SFT2D2: variants seen among roughly 807,000 people sequenced by gnomAD.
The protein encoded by SFT2D2 is SFT2 domain containing 2.
SFT2D2 carries 21 observed loss-of-function variants against 27.4 expected under a neutral mutation model. The observed-to-expected ratio is 0.77, with a 90% confidence interval of 0.54 to 1.10. SFT2D2 has a LOEUF of 1.10. SFT2D2 is among the 50% of genes least tolerant of loss of function. The probability of loss-of-function intolerance (pLI) is 0.00; values close to 1 mark genes in which losing one functional copy is unlikely to be tolerated. For synonymous variants in SFT2D2, 72 were observed against 71.7 expected (o/e 1.00, Z -0.02); for missense variants, 187 against 194.2 (o/e 0.96, Z 0.22).
Position 168,233,871 on chromosome 1 carries a change from G to A in SFT2D2, c.237-1230G>A, listed in dbSNP as rs145036371. ...TGTTATGGTTTTGTGTATATGCTAT[G>A]TTTAATTTTTAGGACCAGCCTTGAC... On this transcript the variant is annotated intron_variant, in intron 3 of 7. Coordinates refer to ENST00000271375, the MANE Select transcript of SFT2D2 (RefSeq NM_199344.3). Among the ~76,000 whole-genome samples, 1,443 of 152,310 alleles carry A rather than the reference G, an allele frequency of 9.5e-3. 17 individuals are homozygous for A. Among genetic ancestry groups the A allele is most frequent in the African/African-American group, 0.031 (1,307 of 41,564 alleles).
In SFT2D2 at chr1:168,226,139, C is replaced by G. The variant is rs1022353647; in HGVS notation, c.60C>G (p.Ser20=). The stretch of plus-strand genomic sequence containing the variant: ...ACACGGAGGACCGGAGCGGCCTGTC[C>G]GAGGTGAGTGAGCCCGGGGCCGTCG... ...GQDTEDRSGL[S]EVVEASSLSW... is the part of the protein sequence containing the mutation. The change falls in exon 1 of 8, where the codon TCC becomes TCG. Residue 20 remains serine (S), a synonymous_variant. Coordinates refer to ENST00000271375, the MANE Select transcript of SFT2D2 (RefSeq NM_199344.3). The G allele has an allele frequency of 6.5e-7, 1 of 1,532,984 alleles. No homozygotes were observed. The highest frequency in any genetic ancestry group is 1.2e-5 in the South Asian group (1 of 81,502). The allele number at this position is 1,532,984 out of a possible 1,614,324, so 95.0% of individuals were successfully genotyped here.
chr1:168,230,646 T>A (rs1432362270), intron 1 of SFT2D2, among the ~76,000 whole-genome samples: 2 of 152,126 alleles, frequency 1.3e-5, no homozygotes, highest in East Asian at 3.9e-4. Context: ...GCTAATTTTT[T>A]GTATTTTTAG....
chr1:168,233,822 G>A (rs1317882159), intron 3 of SFT2D2, among the ~76,000 whole-genome samples: 1 of 152,122 alleles, frequency 6.6e-6, no homozygotes, highest in African/African-American at 2.4e-5. Flanking sequence ...GGGTATTTGG[G>A]AGTTTGTGTC....
At position 168,246,620 on chromosome 1, in the gene SFT2D2, C is replaced by T. The variant is rs550847509; in HGVS notation, c.*4080C>T. 4.8e-6 allele frequency: 7 copies of T among 1,454,884 alleles called. No individual in the cohort carries two copies. In the East Asian group the frequency reaches 1.5e-4, roughly 31 times the overall value. The allele number at this position is 1,454,884 out of a possible 1,614,324, so 90.1% of individuals were successfully genotyped here. ...AAATGACGCAATTTATCTACTGTGC[C>T]CTGGAAATCAAGCTCTTGGTCTCTT... On this transcript the variant is annotated 3_prime_UTR_variant, in exon 8 of 8. Transcript: ENST00000271375.
intron 4 of SFT2D2, 47 bp from the exon 5 acceptor site, chr1:168,236,542 T>C (rs1647504931): frequency 6.4e-7 from 1 of 1,563,352 alleles, no homozygotes; most frequent in Non-Finnish European, 8.7e-7. Flanking sequence ...GTTTTTTTTT[T>C]CCTGCCATGT....
chr1:168,227,671 G>A (rs1700475499), intron 1 of SFT2D2, among the ~76,000 whole-genome samples: 2 of 152,088 alleles, frequency 1.3e-5, no homozygotes, highest in Admixed American at 1.3e-4. Context: ...ATCTCAAGTG[G>A]AACCTCAGAC....
chr1:168,242,939 G>A lies in SFT2D2; in HGVS notation c.*399G>A. Reference sequence around the variant, plus strand: ...GCAACAGTAAGGGACAGAGTTTTGGGGTCCACTTGTCCCTCAGCATGGAAG... The same window carrying A: ...GCAACAGTAAGGGACAGAGTTTTGGAGTCCACTTGTCCCTCAGCATGGAAG... On this transcript the variant is annotated 3_prime_UTR_variant, in exon 8 of 8. Coordinates refer to ENST00000271375, the MANE Select transcript of SFT2D2 (RefSeq NM_199344.3). The A allele has an allele frequency of 3.9e-6, 1 of 255,548 alleles. No homozygotes were observed. The highest frequency in any genetic ancestry group is 7.8e-6 in the Non-Finnish European group (1 of 128,690). The allele number at this position is 255,548 out of a possible 1,614,324, so 15.8% of individuals were successfully genotyped here. A position where few individuals can be genotyped will look rare whatever the true frequency, so the allele number is the denominator to read the frequency against.
chr1:168,228,477 A>G (rs954762869), intron 1 of SFT2D2, among the ~76,000 whole-genome samples: 5 of 152,208 alleles, frequency 3.3e-5, no homozygotes, highest in African/African-American at 9.7e-5. Context: ...GCATGGCAGT[A>G]TCTAATTATA....
intron 6 of SFT2D2, among the ~76,000 whole-genome samples, chr1:168,237,036 T>A (rs773849103): frequency 2.6e-5 from 4 of 152,202 alleles, no homozygotes; most frequent in Non-Finnish European, 4.4e-5. Context: ...AACTAATGGT[T>A]GATTTTTGAG....
At chr1:168,233,603 T>C (rs1647392018) in intron 3 of SFT2D2, among the ~76,000 whole-genome samples, 1 of 152,212 alleles carries the variant, frequency 6.6e-6, no homozygotes, top group African/African-American at 2.4e-5. Flanking sequence ...TAGAGATGTC[T>C]CTTGTTGCCT....
intron 2 of SFT2D2, 103 bp from the exon 3 acceptor site, chr1:168,231,731 G>A: frequency 2.1e-6 from 3 of 1,438,724 alleles, no homozygotes; most frequent in African/African-American, 2.8e-5. Context: ...GAATAAGGGA[G>A]GTGGGGAGGG....
At chr1:168,228,368 A>G (rs1205131800) in intron 1 of SFT2D2, among the ~76,000 whole-genome samples, 1 of 152,208 alleles carries the variant, frequency 6.6e-6, no homozygotes, top group African/African-American at 2.4e-5. Flanking sequence ...AGAGGTCACT[A>G]GAAGAGAGTG....
chr1:168,242,293 C>G (rs1647667586), intron 7 of SFT2D2, among the ~76,000 whole-genome samples: 1 of 152,178 alleles, frequency 6.6e-6, no homozygotes, highest in African/African-American at 2.4e-5. Context: ...TCCCCTCTTA[C>G]AGATGAGGAA....
At position 168,250,041 on chromosome 1, in the gene SFT2D2, G is replaced by A. The variant is rs1376614858; in HGVS notation, c.*7501G>A. On this transcript the variant is annotated 3_prime_UTR_variant, in exon 8 of 8. Transcript: ENST00000271375. ...CCTCCATCCTCTGAGAAGGTAAAGAGCCTATCCCAGACCCCACGAGTGGAG... is the reference window on the plus strand; with the variant it reads ...CCTCCATCCTCTGAGAAGGTAAAGAACCTATCCCAGACCCCACGAGTGGAG... The A allele has an allele frequency of 1.3e-5, 2 of 152,184 alleles. No individual in the cohort carries two copies. The highest frequency in any genetic ancestry group is 1.3e-4 in the Admixed American group (2 of 15,266). 9.4% of individuals were successfully genotyped at this position (152,184 alleles called of 1,614,324 possible). A position where few individuals can be genotyped will look rare whatever the true frequency, so the allele number is the denominator to read the frequency against.
Position 168,246,974 on chromosome 1 carries a change from GT to G in SFT2D2, c.*4439del. 1 of 609,636 alleles carries G rather than the reference GT, an allele frequency of 1.6e-6. No homozygotes were observed. Among genetic ancestry groups the G allele is most frequent in the Non-Finnish European group, 3.0e-6 (1 of 332,948 alleles). 37.8% of individuals were successfully genotyped at this position (609,636 alleles called of 1,614,324 possible). Reference sequence around the variant, plus strand: ...TGGCAATTTCATCTTGCATCAAATGGTTTTTATGCAACAGGTCTTCTTCTTT... The same window carrying G: ...TGGCAATTTCATCTTGCATCAAATGGTTTTATGCAACAGGTCTTCTTCTTT... On this transcript the variant is annotated 3_prime_UTR_variant, in exon 8 of 8. Transcript: ENST00000271375.
chr1:168,236,892 G>A, intron 6 of SFT2D2, 122 bp downstream of exon 6: 1 of 1,172,552 alleles, frequency 8.5e-7, no homozygotes, highest in Non-Finnish European at 1.2e-6. Context: ...TTAATTTAAG[G>A]ATTCGTAATG....
chr1:168,235,248 T>A, intron 4 of SFT2D2, 66 bp downstream of exon 4: 1 of 1,488,750 alleles, frequency 6.7e-7, no homozygotes, highest in South Asian at 1.1e-5. Flanking sequence ...TAGGATGTTT[T>A]TCTTTTTAAA....
Position 168,231,649 on chromosome 1 carries a change from A to T in SFT2D2, c.150+49A>T, listed in dbSNP as rs558937566. 1.7e-5 allele frequency: 27 copies of T among 1,571,870 alleles called. No homozygotes were observed. In the African/African-American group the frequency reaches 3.4e-4, roughly 20 times the overall value. On this transcript the variant is annotated intron_variant, in intron 2 of 7. Transcript: ENST00000271375. ...TCTTTTCCTTCTACCTGTCTTTGCT[A>T]TATATTCCCCCTTTTGTCCACCTCC... is the stretch of plus-strand genomic sequence containing the variant.
At position 168,246,455 on chromosome 1, in the gene SFT2D2, G is replaced by T; in HGVS notation, c.*3915G>T. ...GACACCGTTTGGTTTAGCTCTCTTT[G>T]TATGTGTTCAAAAACCAAAGCGTTT... On this transcript the variant is annotated 3_prime_UTR_variant, in exon 8 of 8. Coordinates refer to ENST00000271375, the MANE Select transcript of SFT2D2 (RefSeq NM_199344.3). 2 of 1,246,396 alleles carry T rather than the reference G, an allele frequency of 1.6e-6. No homozygotes were observed. 77.2% of individuals were successfully genotyped at this position (1,246,396 alleles called of 1,614,324 possible). A position where few individuals can be genotyped will look rare whatever the true frequency, so the allele number is the denominator to read the frequency against.
Sources: gnomAD v4.1 joint callset for allele counts (sites outside exome capture counted in the v4.1 genomes callset) on GRCh38, gnomAD v4.1.1 for gene constraint, MANE v1.5 for transcripts, NCBI Gene and HGNC (gene_info 2026-07-23, HGNC 2026-07-21) for gene names.